The following PUM1 variants were observed in gnomAD, a reference collection of about 807,000 sequenced individuals.
PUM1 encodes pumilio RNA binding family member 1.
A neutral mutation model predicts 131.8 loss-of-function variants in PUM1; 13 were observed. That is an observed-to-expected ratio of 0.10 (90% CI 0.06 to 0.16). The LOEUF (loss-of-function observed/expected upper bound fraction) is 0.16. Ranked by LOEUF, PUM1 falls within the 10% of genes least tolerant of loss-of-function variation. The pLI, the probability that PUM1 is intolerant of heterozygous loss-of-function variation, is 1.00. For missense variants in PUM1, 961 were observed against 1,512.4 expected, an observed-to-expected ratio of 0.64 and a Z score of 6.05; for synonymous variants, 509 against 556.5, an observed-to-expected ratio of 0.91 and a Z score of 1.20.
chr1:30,967,805 ACAT>A (rs376254024), intron 11 of PUM1, among the ~76,000 whole-genome samples: 25 of 152,358 alleles, frequency 1.6e-4, no homozygotes, highest in Middle Eastern at 3.4e-3. Flanking sequence ...CACATGTAGA[ACAT>A]CAAAGTACAT....
In PUM1 at chr1:30,964,740, G is replaced by A. The variant is rs1192503141; in HGVS notation, c.2257C>T (p.Pro753Ser). 2 of 1,613,972 alleles carry A rather than the reference G, an allele frequency of 1.2e-6. No homozygotes were observed. The highest frequency in any genetic ancestry group is 2.7e-5 in the African/African-American group (2 of 74,888). Residue 753 changes from proline to serine, a missense_variant, in exon 14 of 22, where the codon CCA (proline) becomes TCA (serine). Pro to Ser is a moderately conservative substitution (Grantham distance 74, BLOSUM62 -1). Around this residue, in one of 4 missense-constraint regions of PUM1, gnomAD observed 117 missense variants for 200.7 expected, o/e 0.58. Coordinates refer to ENST00000426105, the MANE Select transcript of PUM1 (RefSeq NM_001020658.2). ...PVGMPLPSQG[P>S]GHSQTPPPSL... ...GGAGGTGGTGTCTGTGAATGTCCTG[G>A]TCCCTGACTAGGGAGAGGCATGCCC...
At chr1:30,969,669 C>T (rs1436623739) in intron 10 of PUM1, among the ~76,000 whole-genome samples, 3 of 151,564 alleles carry the variant, frequency 2.0e-5, no homozygotes, top group Non-Finnish European at 4.4e-5. Context: ...GCGGGTGGCG[C>T]GGAGTGCAGG....
chr1:31,009,110 G>C (rs188881304), intron 3 of PUM1, among the ~76,000 whole-genome samples: 2 of 151,756 alleles, frequency 1.3e-5, no homozygotes, highest in African/African-American at 4.8e-5. Context: ...TTGAACCCAG[G>C]AGTGGGAGGG....
chr1:31,065,282 C>T (rs1028013427), intron 1 of PUM1, among the ~76,000 whole-genome samples: 3 of 152,242 alleles, frequency 2.0e-5, no homozygotes, highest in African/African-American at 7.2e-5. Flanking sequence ...AAAAGCAACC[C>T]GAATGGCAAC....
intron 2 of PUM1, among the ~76,000 whole-genome samples, chr1:31,036,329 A>G (rs555296311): frequency 6.6e-6 from 1 of 152,140 alleles, no homozygotes; most frequent in African/African-American, 2.4e-5. Flanking sequence ...TCGGCCTCCC[A>G]AAGTGCTGGG....
chr1:31,050,558 CA>C (rs1429875972), intron 2 of PUM1, among the ~76,000 whole-genome samples: 1 of 152,154 alleles, frequency 6.6e-6, no homozygotes, highest in Admixed American at 6.6e-5. Flanking sequence ...GAATTCTGAG[CA>C]TAATGAAAAG....
Position 31,009,767 on chromosome 1 carries a change from C to CA in PUM1, c.433-2666dup, listed in dbSNP as rs751375199. Among the ~76,000 whole-genome samples, 357 of 54,396 alleles carry CA rather than the reference C, an allele frequency of 6.6e-3. 2 individuals carry two copies. Among genetic ancestry groups the CA allele is most frequent in the Middle Eastern group, 0.036 (4 of 112 alleles). The allele number at this position is 54,396 out of a possible 152,430, so 35.7% of individuals were successfully genotyped here. On this transcript the variant is annotated intron_variant, in intron 3 of 21. Transcript: ENST00000426105. Reference sequence around the variant, plus strand: ...TGGGCAAGAGAGCAAGACTCTGTCTCAAAAAAAAAAAAAAAAAAAACAAAA... The same window carrying CA: ...TGGGCAAGAGAGCAAGACTCTGTCTCAAAAAAAAAAAAAAAAAAAAACAAAA...
intron 9 of PUM1, among the ~76,000 whole-genome samples, chr1:30,975,689 A>G (rs889483457): frequency 6.6e-6 from 1 of 151,944 alleles, no homozygotes; most frequent in African/African-American, 2.4e-5. Flanking sequence ...AAGGCATTCA[A>G]CACAACTACA....
chr1:31,029,017 C>T (rs963712556), intron 2 of PUM1, among the ~76,000 whole-genome samples, 153 bp from the exon 3 acceptor site: 1 of 152,210 alleles, frequency 6.6e-6, no homozygotes, highest in South Asian at 2.1e-4. Flanking sequence ...TAAACATTCA[C>T]TTACCTTTAA....
chr1:31,033,849 T>C (rs1197638558), intron 2 of PUM1, among the ~76,000 whole-genome samples: 2 of 152,060 alleles, frequency 1.3e-5, no homozygotes, highest in Non-Finnish European at 2.9e-5. Flanking sequence ...TTTCACTATG[T>C]CATCTAGGCT....
At chr1:30,943,249 G>C (rs1371996288) in intron 18 of PUM1, among the ~76,000 whole-genome samples, 1 of 151,834 alleles carries the variant, frequency 6.6e-6, no homozygotes, top group Non-Finnish European at 1.5e-5. Flanking sequence ...TATTCTGCAT[G>C]GTATATACAA....
intron 12 of PUM1, 126 bp downstream of exon 12, chr1:30,967,041 A>G (rs1028506313): frequency 3.8e-6 from 4 of 1,062,884 alleles, no homozygotes; most frequent in Non-Finnish European, 5.1e-6. Flanking sequence ...TCTCTTTTTG[A>G]AACATTACAG....
chr1:31,047,919 G>A (rs138059170), intron 2 of PUM1, among the ~76,000 whole-genome samples: 3 of 152,166 alleles, frequency 2.0e-5, no homozygotes, highest in East Asian at 3.9e-4. Flanking sequence ...TATACAGCCT[G>A]GGCAACAAGA....
At chr1:30,990,607 G>C (rs1036008831) in intron 7 of PUM1, among the ~76,000 whole-genome samples, 4 of 151,932 alleles carry the variant, frequency 2.6e-5, no homozygotes, top group African/African-American at 9.7e-5. Flanking sequence ...GAGAGATTGA[G>C]GGTCTTAAAG....
chr1:30,990,557 G>C lies in PUM1; in HGVS notation c.1158+1833C>G, dbSNP rs147037791. The stretch of plus-strand genomic sequence containing the variant: ...ACCAATTTCCAATAGAAAAGGAATC[G>C]TTCCTTCTTGACAACTACTAGCTCT... On this transcript the variant is annotated intron_variant, in intron 7 of 21. Transcript: ENST00000426105. 6.3e-3 allele frequency among the ~76,000 whole-genome samples: 955 copies of C among 152,154 alleles called. 8 individuals are homozygous for C. The highest frequency in any genetic ancestry group is 0.021 in the African/African-American group (889 of 41,516).
rs766667328 is a variant in PUM1 at position 31,005,789 on chromosome 1, AAAAGAGAGAG to A, written c.720+54_720+63del. The A allele has an allele frequency of 2.1e-5, 28 of 1,351,494 alleles. No individual in the cohort carries two copies. The East Asian group carries it at 2.6e-4, about 12-fold the overall frequency. 83.7% of individuals were successfully genotyped at this position (1,351,494 alleles called of 1,614,324 possible). On this transcript the variant is annotated intron_variant, in intron 5 of 21. Coordinates refer to ENST00000426105, the MANE Select transcript of PUM1 (RefSeq NM_001020658.2). ...CAGGCATGTTTTGCTTTAGGGGAAA[AAAAGAGAGAG>A]AGAGAGAGAGAGAGAGAGAGAGAGA...
Position 30,966,282 on chromosome 1 carries a change from T to C in PUM1, c.1790-4A>G, listed in dbSNP as rs781243500. 1 of 1,581,128 alleles carries C rather than the reference T, an allele frequency of 6.3e-7. No individual in the cohort carries two copies. The highest frequency in any genetic ancestry group is 8.6e-7 in the Non-Finnish European group (1 of 1,161,884). ...GAAGCTGCGGCTGCTGCAACAGCTA[T>C]GAAGAAGAAAGCAAACCGTTTGGCT... On this transcript the variant is annotated splice_region_variant and splice_polypyrimidine_tract_variant and intron_variant, in intron 12 of 21. Transcript: ENST00000426105.
intron 18 of PUM1, among the ~76,000 whole-genome samples, chr1:30,943,603 T>C (rs933516894): frequency 1.3e-5 from 2 of 152,186 alleles, no homozygotes; most frequent in Non-Finnish European, 2.9e-5. Flanking sequence ...GTCTTCTGGG[T>C]TCCTTAAGTC....
At chr1:31,018,757 G>A (rs1642915174) in intron 3 of PUM1, among the ~76,000 whole-genome samples, 1 of 152,164 alleles carries the variant, frequency 6.6e-6, no homozygotes, top group Admixed American at 6.5e-5. Flanking sequence ...GTATACATAA[G>A]CCAGTCTATC....
Sources: allele counts gnomAD v4.1 joint callset (sites outside exome capture counted in the v4.1 genomes callset), GRCh38; gene constraint gnomAD v4.1.1; regional missense constraint gnomAD v4.1.1; transcripts MANE v1.5; gene names NCBI Gene and HGNC (gene_info 2026-07-23, HGNC 2026-07-21).